FSTL5: variants seen among roughly 807,000 people sequenced by gnomAD.
FSTL5 encodes the protein follistatin like 5, also known as follistatin-related protein 5.
In FSTL5, 62 loss-of-function variants were observed where a neutral mutation model predicts 89.1. The ratio of observed to expected loss-of-function variants is 0.70; its 90% CI spans 0.57 to 0.86. The LOEUF is 0.86. Among genes scored for constraint, FSTL5 ranks in the 40% least tolerant of loss-of-function variants. The probability of loss-of-function intolerance (pLI) is 0.00; values close to 1 mark genes in which losing one functional copy is unlikely to be tolerated. For missense variants in FSTL5, 1,057 were observed against 1,001.6 expected (o/e 1.06, Z -0.75); for synonymous variants, 383 against 346.2 (o/e 1.11, Z -1.18).
intron 2 of FSTL5, among the ~76,000 whole-genome samples, chr4:162,080,746 T>C (rs1247372468): frequency 6.6e-6 from 1 of 151,596 alleles, no homozygotes; most frequent in Non-Finnish European, 1.5e-5. Flanking sequence ...TACCCTCAAA[T>C]TTGCTCATGT....
At chr4:161,858,000 T>C (rs1327663261) in intron 4 of FSTL5, among the ~76,000 whole-genome samples, 1 of 152,190 alleles carries the variant, frequency 6.6e-6, no homozygotes, top group Non-Finnish European at 1.5e-5. Flanking sequence ...TGAATGTCAA[T>C]GTCTCCCACC....
intron 7 of FSTL5, among the ~76,000 whole-genome samples, chr4:161,613,990 T>C (rs1036897536): frequency 2.0e-5 from 3 of 152,188 alleles, no homozygotes; most frequent in Non-Finnish European, 1.5e-5. Flanking sequence ...ATACATTTTA[T>C]GTTTGAAGAT....
At chr4:161,772,032 A>T (rs1189829037) in intron 5 of FSTL5, among the ~76,000 whole-genome samples, 1 of 152,144 alleles carries the variant, frequency 6.6e-6, no homozygotes, top group Non-Finnish European at 1.5e-5. Context: ...GCTAGCTGAG[A>T]TTCTAAAGAG....
chr4:161,928,997 T>A (rs1053254542), intron 3 of FSTL5, among the ~76,000 whole-genome samples: 1 of 151,800 alleles, frequency 6.6e-6, no homozygotes, highest in African/African-American at 2.4e-5. Context: ...TCCATAGAGA[T>A]CATCTAGGAG....
Position 161,500,000 on chromosome 4 carries a change from C to G in FSTL5, c.1458+16G>C. 1 of 1,495,816 alleles carries G rather than the reference C, an allele frequency of 6.7e-7. No homozygotes were observed. The highest frequency in any genetic ancestry group is 2.3e-5 in the East Asian group (1 of 44,118). The allele number at this position is 1,495,816 out of a possible 1,614,324, so 92.7% of individuals were successfully genotyped here. On this transcript the variant is annotated intron_variant, in intron 12 of 15. Coordinates refer to ENST00000306100, the MANE Select transcript of FSTL5 (RefSeq NM_020116.5). ...ATTTCTGCATAAAACGTCAAAGGAA[C>G]TTTTTAGATACTTGCCTGAAATCCA...
At chr4:161,754,045 T>TAAAAAAAAA (rs10649973) in intron 6 of FSTL5, among the ~76,000 whole-genome samples, 85 of 84,906 alleles carry the variant, frequency 1.0e-3, no homozygotes, top group East Asian at 1.9e-3. Context: ...CCGTCTCAAT[T>TAAAAAAAAA]AAAAAAAAAA....
chr4:162,119,307 A>G (rs143131695), intron 1 of FSTL5, among the ~76,000 whole-genome samples: 6 of 152,304 alleles, frequency 3.9e-5, no homozygotes, highest in African/African-American at 1.4e-4. Context: ...CAGAAAAAAC[A>G]ACTAATTATT....
At chr4:162,123,623 A>G (rs1024643050) in intron 1 of FSTL5, among the ~76,000 whole-genome samples, 2 of 152,136 alleles carry the variant, frequency 1.3e-5, no homozygotes, top group Non-Finnish European at 2.9e-5. Context: ...TAACCAAAAC[A>G]GACAAGAAGA....
chr4:161,873,464 AT>A (rs1407167834), intron 4 of FSTL5, among the ~76,000 whole-genome samples: 1 of 151,534 alleles, frequency 6.6e-6, no homozygotes, highest in East Asian at 1.9e-4. Context: ...TGTTACAATA[AT>A]AAAATTATTT....
chr4:161,997,074 A>G (rs1315094051), intron 3 of FSTL5, among the ~76,000 whole-genome samples: 1 of 152,136 alleles, frequency 6.6e-6, no homozygotes, highest in African/African-American at 2.4e-5. Context: ...TTTTTATTTT[A>G]TTGTTTTACA....
At chr4:162,092,741 G>C (rs1229420624) in intron 2 of FSTL5, among the ~76,000 whole-genome samples, 1 of 151,844 alleles carries the variant, frequency 6.6e-6, no homozygotes, top group East Asian at 1.9e-4. Context: ...ACCAGGTCAG[G>C]AGTTCGAGAT....
At chr4:162,010,477 C>T (rs1387907115) in intron 3 of FSTL5, among the ~76,000 whole-genome samples, 1 of 152,114 alleles carries the variant, frequency 6.6e-6, no homozygotes, top group African/African-American at 2.4e-5. Flanking sequence ...ATGTAGTTCA[C>T]TCTTTTACAG....
intron 8 of FSTL5, among the ~76,000 whole-genome samples, chr4:161,571,033 C>T (rs770277995): frequency 2.0e-4 from 30 of 152,010 alleles, no homozygotes; most frequent in Non-Finnish European, 3.7e-4. Context: ...AGGAGAATCA[C>T]TTGAGGCGGA....
intron 10 of FSTL5, among the ~76,000 whole-genome samples, chr4:161,511,083 GA>G (rs1353260448): frequency 2.6e-5 from 4 of 151,954 alleles, no homozygotes; most frequent in Admixed American, 6.6e-5. Flanking sequence ...TAGAAATTAA[GA>G]AAAAAATCCA....
chr4:161,478,504 G>A (rs1314600964), intron 13 of FSTL5, among the ~76,000 whole-genome samples: 1 of 152,032 alleles, frequency 6.6e-6, no homozygotes, highest in African/African-American at 2.4e-5. Flanking sequence ...CTTACTGTTA[G>A]GTGCATCACA....
intron 6 of FSTL5, among the ~76,000 whole-genome samples, chr4:161,719,668 A>G (rs1404899956): frequency 6.6e-6 from 1 of 151,934 alleles, no homozygotes; most frequent in Non-Finnish European, 1.5e-5. Flanking sequence ...TCAGTATTTT[A>G]TGGTTTTTGG....
At chr4:161,429,730 G>A (rs1732289048) in intron 15 of FSTL5, among the ~76,000 whole-genome samples, 1 of 152,100 alleles carries the variant, frequency 6.6e-6, no homozygotes, top group South Asian at 2.1e-4. Context: ...TTAACATCTG[G>A]AAAGCCTTCC....
intron 4 of FSTL5, among the ~76,000 whole-genome samples, chr4:161,845,924 T>A (rs1268731326): frequency 1.3e-5 from 2 of 152,022 alleles, no homozygotes; most frequent in South Asian, 2.1e-4. Flanking sequence ...CAGGTGCCTG[T>A]AATCCCAGCT....
At chr4:161,498,603 C>T (rs13120071) in intron 12 of FSTL5, among the ~76,000 whole-genome samples, 4 of 152,116 alleles carry the variant, frequency 2.6e-5, no homozygotes, top group Non-Finnish European at 2.9e-5. Flanking sequence ...ATAGCCAAGA[C>T]ATGTGTGTCG....
Sources: gnomAD v4.1 joint callset for allele counts (sites outside exome capture counted in the v4.1 genomes callset) on GRCh38, gnomAD v4.1.1 for gene constraint, MANE v1.5 for transcripts, NCBI Gene and HGNC (gene_info 2026-07-23, HGNC 2026-07-21) for gene names.